The following PIP5K1B variants were observed in gnomAD, a reference collection of about 807,000 sequenced individuals.
The protein encoded by PIP5K1B is phosphatidylinositol-4-phosphate 5-kinase type 1 beta.
Under a neutral mutation model 67.0 loss-of-function variants are expected in PIP5K1B, and 42 were observed. That is an observed-to-expected ratio of 0.63 (90% confidence interval 0.49 to 0.81). The LOEUF is 0.81. Among genes scored for constraint, PIP5K1B ranks in the 30% least tolerant of loss-of-function variants. The pLI is 0.00. For synonymous variants in PIP5K1B, 214 were observed against 231.4 expected, an observed-to-expected ratio of 0.92 and a Z score of 0.68; for missense variants, 459 against 646.3, an observed-to-expected ratio of 0.71 and a Z score of 3.14.
chr9:69,007,278 GT>G lies in PIP5K1B; in HGVS notation c.1621-1163del, dbSNP rs1276144222. 1.1e-4 allele frequency among the ~76,000 whole-genome samples: 16 copies of G among 152,226 alleles called. No homozygotes were observed. In the East Asian group the frequency reaches 2.9e-3, roughly 28 times the overall value. ...CAGTTATTTCAAACTTTTTACTCAAGTTTTTTCAAGCCTCCAATTAAAGGTG... is the reference window on the plus strand; with the variant it reads ...CAGTTATTTCAAACTTTTTACTCAAGTTTTTCAAGCCTCCAATTAAAGGTG... On this transcript the variant is annotated intron_variant, in intron 15 of 15. Transcript: ENST00000265382.
At chr9:68,973,913 T>G (rs1829512828) in intron 14 of PIP5K1B, among the ~76,000 whole-genome samples, 2 of 152,324 alleles carry the variant, frequency 1.3e-5, no homozygotes, top group South Asian at 4.1e-4. Context: ...GGTCTCACAC[T>G]GTCACCCAAG....
At chr9:68,853,593 T>C (rs1822603633) in intron 4 of PIP5K1B, among the ~76,000 whole-genome samples, 1 of 152,190 alleles carries the variant, frequency 6.6e-6, no homozygotes, top group South Asian at 2.1e-4. Context: ...GCTGCTCTGA[T>C]GACGGCAAAA....
At chr9:68,815,276 A>C (rs1833381805) in intron 2 of PIP5K1B, among the ~76,000 whole-genome samples, 1 of 151,776 alleles carries the variant, frequency 6.6e-6, no homozygotes. Flanking sequence ...TTAAAAAAAA[A>C]AAGAGTGAAA....
intron 4 of PIP5K1B, among the ~76,000 whole-genome samples, chr9:68,851,743 A>G (rs1822494104): frequency 6.6e-6 from 1 of 152,214 alleles, no homozygotes; most frequent in Non-Finnish European, 1.5e-5. Flanking sequence ...CAGTTTGGCT[A>G]AAGTGGTGGA....
At chr9:68,795,301 GTCTTT>G (rs1236304754) in intron 2 of PIP5K1B, among the ~76,000 whole-genome samples, 2 of 152,102 alleles carry the variant, frequency 1.3e-5, no homozygotes, top group Non-Finnish European at 2.9e-5. Context: ...GTGTGTCTTA[GTCTTT>G]TCATCTGTTA....
chr9:69,002,623 A>T (rs1379096455), intron 15 of PIP5K1B, among the ~76,000 whole-genome samples: 1 of 151,976 alleles, frequency 6.6e-6, no homozygotes, highest in Non-Finnish European at 1.5e-5. Context: ...AGCTTTATTT[A>T]AAAAAAAGAG....
chr9:68,855,027 A>G (rs996999342), intron 4 of PIP5K1B, among the ~76,000 whole-genome samples: 3 of 152,230 alleles, frequency 2.0e-5, no homozygotes, highest in Non-Finnish European at 4.4e-5. Flanking sequence ...TTTGTCAAAT[A>G]TGCTAGATCC....
intron 4 of PIP5K1B, among the ~76,000 whole-genome samples, chr9:68,838,309 A>G (rs1330774283): frequency 1.3e-5 from 2 of 152,086 alleles, no homozygotes; most frequent in Admixed American, 6.6e-5. Flanking sequence ...TATTAATTTG[A>G]TATTCAAAAA....
intron 1 of PIP5K1B, among the ~76,000 whole-genome samples, chr9:68,722,341 A>T (rs1477057831): frequency 1.3e-5 from 2 of 151,922 alleles, no homozygotes; most frequent in South Asian, 4.2e-4. Context: ...AGTAGCTGGG[A>T]TTACAGGTGC....
chr9:68,810,905 C>A (rs1833129584), intron 2 of PIP5K1B, among the ~76,000 whole-genome samples: 1 of 152,162 alleles, frequency 6.6e-6, no homozygotes, highest in African/African-American at 2.4e-5. Flanking sequence ...ATTAGACAAT[C>A]TTCTCATTGT....
intron 2 of PIP5K1B, among the ~76,000 whole-genome samples, chr9:68,815,341 T>C (rs1400273177): frequency 1.3e-5 from 2 of 151,146 alleles, no homozygotes; most frequent in East Asian, 1.9e-4. Context: ...AGAAAGAAGG[T>C]ATTATTAATG....
chr9:68,891,353 G>A (rs939394735), intron 7 of PIP5K1B, among the ~76,000 whole-genome samples: 9 of 151,938 alleles, frequency 5.9e-5, no homozygotes, highest in African/African-American at 1.5e-4. Context: ...TGAACGTCAC[G>A]TGGTTACCCA....
chr9:68,782,119 C>T (rs928385386), intron 2 of PIP5K1B: 3 of 167,084 alleles, frequency 1.8e-5, no homozygotes, highest in Non-Finnish European at 4.4e-5. Flanking sequence ...GTCCCTTCCT[C>T]TCCATCTCCC....
chr9:68,982,631 G>T (rs1407474618), intron 14 of PIP5K1B, among the ~76,000 whole-genome samples: 1 of 151,946 alleles, frequency 6.6e-6, no homozygotes, highest in Non-Finnish European at 1.5e-5. Flanking sequence ...GCATGGTGGT[G>T]CGCACCTGTA....
At chr9:68,831,093 G>A (rs1192282357) in intron 4 of PIP5K1B, among the ~76,000 whole-genome samples, 3 of 152,168 alleles carry the variant, frequency 2.0e-5, no homozygotes, top group African/African-American at 7.2e-5. Flanking sequence ...TGTAATTTAG[G>A]TTCTAGTCTT....
chr9:68,951,408 A>AT lies in PIP5K1B; in HGVS notation c.1502+10624dup. ...GACTAAGCACTTTGTCTGGGAGAAG[A>AT]TTTTTTGTCTTTTATTTATGTATGA... On this transcript the variant is annotated intron_variant, in intron 14 of 15. Coordinates refer to ENST00000265382, the MANE Select transcript of PIP5K1B (RefSeq NM_003558.4). 2.0e-5 allele frequency among the ~76,000 whole-genome samples: 3 copies of AT among 152,250 alleles called. No individual in the cohort carries two copies. The South Asian group carries it at 6.2e-4, about 32-fold the overall frequency.
At chr9:68,789,226 T>A (rs1831818078) in intron 2 of PIP5K1B, 1 of 491,192 alleles carries the variant, frequency 2.0e-6, no homozygotes, top group South Asian at 1.9e-5. Flanking sequence ...CCTGTGATGG[T>A]GTTGACAACT....
Position 68,729,992 on chromosome 9 carries a change from C to T in PIP5K1B, c.-242-12509C>T, listed in dbSNP as rs111921465. ...AGTCATGAAAGGCTAAAAATGACTT[C>T]GATATCTAACATTTGGGGAAATGAT... is the stretch of plus-strand genomic sequence containing the variant. On this transcript the variant is annotated intron_variant, in intron 1 of 15. Transcript: ENST00000265382. Among the ~76,000 whole-genome samples the T allele has an allele frequency of 9.9e-5, 15 of 151,858 alleles. 1 individual carries two copies. Among genetic ancestry groups the T allele is most frequent in the African/African-American group, 3.1e-4 (13 of 41,446 alleles).
chr9:68,745,739 A>G (rs771931829), intron 2 of PIP5K1B, among the ~76,000 whole-genome samples: 3 of 152,126 alleles, frequency 2.0e-5, no homozygotes, highest in Non-Finnish European at 2.9e-5. Flanking sequence ...GGATTCCTTA[A>G]TGTTCCTTCC....
Sources: gnomAD v4.1 joint callset for allele counts (sites outside exome capture counted in the v4.1 genomes callset) on GRCh38, gnomAD v4.1.1 for gene constraint, MANE v1.5 for transcripts, NCBI Gene and HGNC (gene_info 2026-07-23, HGNC 2026-07-21) for gene names.